The following ENOX1 variants were observed in gnomAD, a reference collection of about 807,000 sequenced individuals.
ENOX1 encodes the protein candidate growth-related and time keeping constitutive hydroquinone (NADH) oxidase.
In ENOX1, 42 loss-of-function variants were observed where a neutral mutation model predicts 82.5. The ratio of observed to expected loss-of-function variants is 0.51; its 90% CI spans 0.40 to 0.66. The LOEUF is 0.66. ENOX1 is among the 30% of genes least tolerant of loss of function. The pLI is 0.00. For synonymous variants in ENOX1, 271 were observed against 282.2 expected, an observed-to-expected ratio of 0.96 and a Z score of 0.40; for missense variants, 608 against 811.6, an observed-to-expected ratio of 0.75 and a Z score of 3.05.
chr13:43,409,683 G>A (rs888565422), intron 5 of ENOX1, among the ~76,000 whole-genome samples: 4 of 152,116 alleles, frequency 2.6e-5, no homozygotes, highest in African/African-American at 9.7e-5. Context: ...GTAATCTAGA[G>A]ATTTGATGAA....
chr13:43,650,700 C>T (rs765141115), intron 2 of ENOX1, among the ~76,000 whole-genome samples: 32 of 152,150 alleles, frequency 2.1e-4, no homozygotes, highest in Middle Eastern at 3.4e-3. Flanking sequence ...CAACCAGGCA[C>T]GGTGGTGGGC....
chr13:43,295,511 G>C (rs1259603958), intron 12 of ENOX1, among the ~76,000 whole-genome samples: 1 of 152,222 alleles, frequency 6.6e-6, no homozygotes, highest in Non-Finnish European at 1.5e-5. Context: ...AGAAAGAAAG[G>C]TTAGAAAATT....
chr13:43,396,203 T>A (rs1039302993), intron 5 of ENOX1, among the ~76,000 whole-genome samples: 1 of 152,194 alleles, frequency 6.6e-6, no homozygotes, highest in African/African-American at 2.4e-5. Flanking sequence ...GGCAGGAGAA[T>A]GTCCTTCCTT....
At chr13:43,647,390 C>T (rs1008515789) in intron 2 of ENOX1, among the ~76,000 whole-genome samples, 52 of 152,180 alleles carry the variant, frequency 3.4e-4, no homozygotes, top group African/African-American at 1.1e-3. Flanking sequence ...ACACTGATCC[C>T]TTTCTGGTTA....
At chr13:43,376,019 T>C (rs1467767862) in intron 5 of ENOX1, among the ~76,000 whole-genome samples, 1 of 152,262 alleles carries the variant, frequency 6.6e-6, no homozygotes, top group Non-Finnish European at 1.5e-5. Flanking sequence ...AAGGGCTGGC[T>C]AATCTATATT....
At chr13:43,564,995 C>A (rs900394266) in intron 2 of ENOX1, among the ~76,000 whole-genome samples, 1 of 152,168 alleles carries the variant, frequency 6.6e-6, no homozygotes, top group East Asian at 1.9e-4. Context: ...AACAAGGTCT[C>A]TACTCTCGTG....
chr13:43,338,928 G>A lies in ENOX1; in HGVS notation c.1036+5610C>T, dbSNP rs371077447. Among the ~76,000 whole-genome samples the A allele has an allele frequency of 6.7e-3, 1,016 of 152,134 alleles. 7 individuals carry two copies. Among genetic ancestry groups the A allele is most frequent in the South Asian group, 0.03 (145 of 4,802 alleles). ...TCTCGATCTCCTGACCTCGTGATCC[G>A]CCCGCCTTGGCCTCCCAAAGTGCTG... On this transcript the variant is annotated intron_variant, in intron 9 of 16. Coordinates refer to ENST00000690772, the MANE Select transcript of ENOX1 (RefSeq NM_001347969.2).
intron 2 of ENOX1, among the ~76,000 whole-genome samples, chr13:43,594,194 G>T (rs537609103): frequency 1.2e-3 from 187 of 152,302 alleles, no homozygotes; most frequent in African/African-American, 3.6e-3. Context: ...ATAATTCTTT[G>T]ATTTGGGTGA....
At chr13:43,394,541 C>G (rs140280402) in intron 5 of ENOX1, 1 of 152,240 alleles carries the variant, frequency 6.6e-6, no homozygotes, top group Non-Finnish European at 1.5e-5. Flanking sequence ...CTCTGCATTA[C>G]TCCGGGGCCC....
Position 43,284,771 on chromosome 13 carries a change from G to GGTGT in ENOX1, c.1446+13571_1446+13574dup, listed in dbSNP as rs72187459. Among the ~76,000 whole-genome samples, 463 of 143,768 alleles carry GGTGT rather than the reference G, an allele frequency of 3.2e-3. 4 individuals are homozygous for GGTGT. Among genetic ancestry groups the GGTGT allele is most frequent in the East Asian group, 5.2e-3 (26 of 4,988 alleles). 94.3% of individuals were successfully genotyped at this position (143,768 alleles called of 152,430 possible). A position where few individuals can be genotyped will look rare whatever the true frequency, so the allele number is the denominator to read the frequency against. On this transcript the variant is annotated intron_variant, in intron 12 of 16. Transcript: ENST00000690772. Reference sequence around the variant, plus strand: ...AAGGCTGTTGTGGCTATTTGTTAAAGGTGTGTGTGTGTGTGTGTGTGTGTG... The same window carrying GGTGT: ...AAGGCTGTTGTGGCTATTTGTTAAAGGTGTGTGTGTGTGTGTGTGTGTGTGTGTG...
rs544967783 is a variant in ENOX1, at chr13:43,318,004, C to CA, written c.1261+4379dup. Among the ~76,000 whole-genome samples the CA allele has an allele frequency of 4.5e-3, 580 of 129,120 alleles. 3 individuals are homozygous for CA. The highest frequency in any genetic ancestry group is 0.011 in the African/African-American group (368 of 34,878). The allele number at this position is 129,120 out of a possible 152,430, so 84.7% of individuals were successfully genotyped here. On this transcript the variant is annotated intron_variant, in intron 11 of 16. Transcript: ENST00000690772. ...TGGGTGACAGAGCAAGACTCCGTCT[C>CA]AAAAAAAAAAAAAATTCCTTTGTAC...
At chr13:43,426,134 C>G (rs1244970249) in intron 3 of ENOX1, among the ~76,000 whole-genome samples, 1 of 152,176 alleles carries the variant, frequency 6.6e-6, no homozygotes, top group East Asian at 1.9e-4. Flanking sequence ...GCTATACTTC[C>G]TCTCAAATTT....
rs531292782 is a variant in ENOX1, at chr13:43,367,517, C to T, written c.209-6065G>A. ...TGACTGGAGAGATGCACCTGCAAGT[C>T]AAGGATCACCCAGGATAGCCGGCAA... On this transcript the variant is annotated intron_variant, in intron 5 of 16. Transcript: ENST00000690772. Among the ~76,000 whole-genome samples, 11 of 152,206 alleles carry T rather than the reference C, an allele frequency of 7.2e-5. 1 individual carries two copies. In the South Asian group the frequency reaches 2.1e-3, roughly 29 times the overall value.
At chr13:43,769,419 T>C (rs888479531) in intron 1 of ENOX1, among the ~76,000 whole-genome samples, 18 of 150,166 alleles carry the variant, frequency 1.2e-4, no homozygotes, top group African/African-American at 4.3e-4. Flanking sequence ...ATTTCTAAGT[T>C]AATTTTTTTT....
At chr13:43,521,382 CCAGT>C (rs2077761925) in intron 2 of ENOX1, among the ~76,000 whole-genome samples, 1 of 152,062 alleles carries the variant, frequency 6.6e-6, no homozygotes, top group South Asian at 2.1e-4. Flanking sequence ...AGAGCAGCAG[CCAGT>C]ATTATCCAAA....
chr13:43,363,662 A>C (rs2050668233), intron 5 of ENOX1, among the ~76,000 whole-genome samples: 2 of 152,204 alleles, frequency 1.3e-5, no homozygotes, highest in Non-Finnish European at 2.9e-5. Context: ...TTGCCAACAC[A>C]GGATGATTTA....
At chr13:43,424,084 C>A (rs967691379) in intron 3 of ENOX1, among the ~76,000 whole-genome samples, 8 of 152,120 alleles carry the variant, frequency 5.3e-5, no homozygotes, top group Admixed American at 4.6e-4. Flanking sequence ...ATTCTATAAA[C>A]CATACACATG....
chr13:43,413,204 C>A (rs2054240341), intron 3 of ENOX1, among the ~76,000 whole-genome samples: 1 of 152,102 alleles, frequency 6.6e-6, no homozygotes, highest in Admixed American at 6.5e-5. Context: ...CATCGACTCA[C>A]CAGGAGCCTG....
chr13:43,398,965 T>C (rs1459408253), intron 5 of ENOX1, among the ~76,000 whole-genome samples: 1 of 150,736 alleles, frequency 6.6e-6, no homozygotes, highest in Non-Finnish European at 1.5e-5. Context: ...CCCCACTAAT[T>C]TTTTTTTTCA....
Sources: allele counts gnomAD v4.1 joint callset (sites outside exome capture counted in the v4.1 genomes callset), GRCh38; gene constraint gnomAD v4.1.1; transcripts MANE v1.5; gene names NCBI Gene and HGNC (gene_info 2026-07-23, HGNC 2026-07-21).